The following PTPN9 variants were observed in gnomAD, a reference collection of about 807,000 sequenced individuals.
The protein encoded by PTPN9 is protein tyrosine phosphatase non-receptor type 9.
In PTPN9, 26 loss-of-function variants were observed where a neutral mutation model predicts 69.8. The ratio of observed to expected loss-of-function variants is 0.37; its 90% CI spans 0.27 to 0.52. The LOEUF is 0.52. Ranked by LOEUF, PTPN9 falls within the 20% of genes least tolerant of loss-of-function variation. The probability of loss-of-function intolerance (pLI) is 0.91; values close to 1 mark genes in which losing one functional copy is unlikely to be tolerated. For missense variants in PTPN9, 549 were observed against 740.3 expected, an observed-to-expected ratio of 0.74 and a Z score of 3.00; for synonymous variants, 274 against 272.5, an observed-to-expected ratio of 1.01 and a Z score of -0.05.
At chr15:75,508,836 T>C in intron 6 of PTPN9, 81 bp downstream of exon 6, 1 of 1,092,050 alleles carries the variant, frequency 9.2e-7, no homozygotes, top group Non-Finnish European at 1.4e-6. Flanking sequence ...GCCAGGAGGA[T>C]TTTTTGAAGG....
intron 1 of PTPN9, among the ~76,000 whole-genome samples, chr15:75,540,543 TAAAAAAAA>T (rs1295928433): frequency 1.8e-5 from 2 of 112,782 alleles, no homozygotes; most frequent in Non-Finnish European, 3.5e-5. Context: ...ACTCTGTCTC[TAAAAAAAA>T]AAAAAAAAAA....
intron 9 of PTPN9, among the ~76,000 whole-genome samples, chr15:75,476,634 C>G (rs763002084): frequency 6.6e-6 from 1 of 152,008 alleles, no homozygotes; most frequent in Admixed American, 6.6e-5. Flanking sequence ...ATTTTGTATG[C>G]CTATATCTGC....
At chr15:75,539,301 T>C (rs1210442307) in intron 1 of PTPN9, among the ~76,000 whole-genome samples, 1 of 142,198 alleles carries the variant, frequency 7.0e-6, no homozygotes, top group East Asian at 2.1e-4. Flanking sequence ...CTGAAGGAAG[T>C]TGGTATTTAG....
chr15:75,474,398 A>G (rs2074584632), intron 9 of PTPN9, among the ~76,000 whole-genome samples: 1 of 152,120 alleles, frequency 6.6e-6, no homozygotes, highest in Non-Finnish European at 1.5e-5. Flanking sequence ...ACATGCCTGT[A>G]GTCTCAGGTA....
intron 8 of PTPN9, among the ~76,000 whole-genome samples, chr15:75,482,161 C>A (rs552367918): frequency 6.6e-6 from 1 of 151,784 alleles, no homozygotes; most frequent in Admixed American, 6.6e-5. Context: ...ACCTTACCCC[C>A]AACCCTGTGC....
intron 1 of PTPN9, among the ~76,000 whole-genome samples, chr15:75,549,109 G>A (rs1296470217): frequency 6.6e-6 from 1 of 152,118 alleles, no homozygotes; most frequent in Non-Finnish European, 1.5e-5. Context: ...ACAGGTGTGA[G>A]CCACCACACC....
chr15:75,497,588 G>A (rs180717375), intron 7 of PTPN9, among the ~76,000 whole-genome samples: 1 of 152,052 alleles, frequency 6.6e-6, no homozygotes, highest in African/African-American at 2.4e-5. Context: ...ATCACCTGAC[G>A]TGAGGAGCTC....
At chr15:75,521,033 T>A (rs1054708248) in intron 4 of PTPN9, among the ~76,000 whole-genome samples, 66 of 152,194 alleles carry the variant, frequency 4.3e-4, no homozygotes, top group African/African-American at 1.6e-3. Context: ...AAACTTTTTG[T>A]AGAGACGAGG....
chr15:75,523,412 C>T (rs2074913670), intron 3 of PTPN9, among the ~76,000 whole-genome samples, 167 bp from the exon 4 acceptor site: 1 of 152,124 alleles, frequency 6.6e-6, no homozygotes, highest in Admixed American at 6.6e-5. Flanking sequence ...TAATATCATC[C>T]TTTGTCTGAT....
chr15:75,473,636 T>C, intron 10 of PTPN9, 53 bp downstream of exon 10: 1 of 1,394,306 alleles, frequency 7.2e-7, no homozygotes, highest in Non-Finnish European at 1.0e-6. Context: ...TAATCACCCA[T>C]GCCTAGGGAC....
chr15:75,470,865 G>C (rs745607169), intron 10 of PTPN9, 35 bp from the exon 11 acceptor site: 2 of 1,607,258 alleles, frequency 1.2e-6, no homozygotes, highest in Admixed American at 1.7e-5. Flanking sequence ...GCCTTCCATC[G>C]TTCCTCTCCA....
chr15:75,482,486 A>G (rs1189997785), intron 8 of PTPN9, among the ~76,000 whole-genome samples: 3 of 146,698 alleles, frequency 2.0e-5, no homozygotes, highest in Non-Finnish European at 4.5e-5. Flanking sequence ...AATGGCGTGA[A>G]CCCGGGAGGC....
intron 8 of PTPN9, among the ~76,000 whole-genome samples, chr15:75,486,211 G>C (rs2074676419): frequency 6.6e-6 from 1 of 151,980 alleles, no homozygotes; most frequent in African/African-American, 2.4e-5. Flanking sequence ...GTGAGCCATT[G>C]CTATAGACTG....
At chr15:75,547,313 A>G (rs945634339) in intron 1 of PTPN9, among the ~76,000 whole-genome samples, 2 of 143,718 alleles carry the variant, frequency 1.4e-5, no homozygotes, top group Non-Finnish European at 1.5e-5. Flanking sequence ...AAAAAAAAAA[A>G]AAAGGCCAGG....
At chr15:75,570,011 G>C (rs2075142343) in intron 1 of PTPN9, among the ~76,000 whole-genome samples, 1 of 151,954 alleles carries the variant, frequency 6.6e-6, no homozygotes, top group Non-Finnish European at 1.5e-5. Flanking sequence ...ACTAGAGACG[G>C]GATTTCATCA....
Position 75,479,949 on chromosome 15 carries a change from C to T in PTPN9, c.1063-35G>A. On this transcript the variant is annotated intron_variant, in intron 8 of 12. Coordinates refer to ENST00000618819, the MANE Select transcript of PTPN9 (RefSeq NM_002833.4). ...AAAAGGAGACATCACTATAGCTACACAGAATACACCATTTGGGTCATAAAA... is the reference window on the plus strand; with the variant it reads ...AAAAGGAGACATCACTATAGCTACATAGAATACACCATTTGGGTCATAAAA... 5 of 1,403,562 alleles carry T rather than the reference C, an allele frequency of 3.6e-6. No homozygotes were observed. The South Asian group carries it at 3.7e-5, about 10-fold the overall frequency. The allele number at this position is 1,403,562 out of a possible 1,614,324, so 86.9% of individuals were successfully genotyped here.
intron 7 of PTPN9, among the ~76,000 whole-genome samples, chr15:75,504,362 A>G (rs1370600228): frequency 4.7e-3 from 325 of 69,650 alleles, no homozygotes; most frequent in Admixed American, 6.6e-3. Context: ...CGGGCCAGCC[A>G]CCCCGTCCGG....
At chr15:75,552,779 C>A (rs1203344342) in intron 1 of PTPN9, among the ~76,000 whole-genome samples, 5 of 147,948 alleles carry the variant, frequency 3.4e-5, no homozygotes, top group African/African-American at 1.3e-4. Flanking sequence ...GAGTGCTGAA[C>A]TTTAAGAGAG....
intron 2 of PTPN9, among the ~76,000 whole-genome samples, chr15:75,526,101 T>C (rs533474399): frequency 5.5e-4 from 83 of 152,060 alleles, no homozygotes; most frequent in Admixed American, 1.0e-3. Context: ...GTTCAAGTGA[T>C]TGTCCCTCCT....
Sources: gnomAD v4.1 joint callset for allele counts (sites outside exome capture counted in the v4.1 genomes callset) on GRCh38, gnomAD v4.1.1 for gene constraint, MANE v1.5 for transcripts, NCBI Gene and HGNC (gene_info 2026-07-23, HGNC 2026-07-21) for gene names.